MACROD2: variants seen among roughly 807,000 people sequenced by gnomAD.
MACROD2 encodes the protein ADP-ribose glycohydrolase MACROD2.
Under a neutral mutation model 70.4 loss-of-function variants are expected in MACROD2, and 36 were observed. That is an observed-to-expected ratio of 0.51 (90% CI 0.39 to 0.68). The LOEUF (loss-of-function observed/expected upper bound fraction) is 0.68, where lower values mean the gene tolerates loss of function less well. Among genes scored for constraint, MACROD2 ranks in the 30% least tolerant of loss-of-function variants. The pLI is 0.00. For synonymous variants in MACROD2, 172 were observed against 178.8 expected, an observed-to-expected ratio of 0.96 and a Z score of 0.30; for missense variants, 496 against 538.4, an observed-to-expected ratio of 0.92 and a Z score of 0.78.
intron 3 of MACROD2, among the ~76,000 whole-genome samples, chr20:14,263,972 AACACACACAC>A (rs71190124): frequency 0.059 from 7,480 of 127,032 alleles, 301 homozygotes; most frequent in African/African-American, 0.11. Context: ...ACCCTATCTA[AACACACACAC>A]ACACACACAC....
intron 8 of MACROD2, among the ~76,000 whole-genome samples, chr20:15,637,909 A>G (rs1036331185): frequency 3.9e-5 from 6 of 152,242 alleles, no homozygotes; most frequent in Non-Finnish European, 8.8e-5. Context: ...ACTAAAGTTT[A>G]CATAAAGACT....
At chr20:15,492,052 C>T (rs747422291) in intron 7 of MACROD2, among the ~76,000 whole-genome samples, 20 of 152,230 alleles carry the variant, frequency 1.3e-4, no homozygotes, top group African/African-American at 4.6e-4. Context: ...GCCAGTGACA[C>T]CTTTTTAGCA....
chr20:14,845,285 T>G (rs1218753769), intron 5 of MACROD2, among the ~76,000 whole-genome samples: 1 of 152,140 alleles, frequency 6.6e-6, no homozygotes, highest in East Asian at 1.9e-4. Context: ...ACAATGATAT[T>G]AATATATTGG....
chr20:15,105,915 G>A (rs915683490), intron 5 of MACROD2, among the ~76,000 whole-genome samples: 1 of 152,068 alleles, frequency 6.6e-6, no homozygotes, highest in African/African-American at 2.4e-5. Context: ...TAATAATGGG[G>A]TTCTGTACAT....
chr20:15,088,400 TATATATATATATATATATATA>T (rs2075765633), intron 5 of MACROD2, among the ~76,000 whole-genome samples: 11 of 7,416 alleles, frequency 1.5e-3, no homozygotes, highest in South Asian at 4.2e-3. Context: ...CTATATTTTA[TATATATATATATATATATATA>T]TATATATATA....
chr20:14,765,029 G>A (rs574586985), intron 5 of MACROD2, among the ~76,000 whole-genome samples: 1 of 152,160 alleles, frequency 6.6e-6, no homozygotes, highest in East Asian at 1.9e-4. Flanking sequence ...CAGCTGAACC[G>A]GTACCTAGTG....
intron 3 of MACROD2, among the ~76,000 whole-genome samples, chr20:14,397,369 A>G (rs2083592233): frequency 6.6e-6 from 1 of 152,206 alleles, no homozygotes; most frequent in Non-Finnish European, 1.5e-5. Flanking sequence ...TTGTTGGCTT[A>G]TTAATTATAA....
At chr20:16,014,198 C>G (rs965666100) in intron 15 of MACROD2, among the ~76,000 whole-genome samples, 1 of 152,168 alleles carries the variant, frequency 6.6e-6, no homozygotes, top group East Asian at 1.9e-4. Flanking sequence ...AGCAACATGC[C>G]TTGTCTTCAA....
intron 8 of MACROD2, among the ~76,000 whole-genome samples, chr20:15,748,007 A>G (rs906610050): frequency 2.0e-5 from 3 of 152,088 alleles, no homozygotes; most frequent in Admixed American, 2.0e-4. Context: ...TATTCTTATA[A>G]ACAGGGTAAG....
intron 13 of MACROD2, among the ~76,000 whole-genome samples, chr20:15,977,297 C>T (rs372032148): frequency 3.3e-5 from 5 of 152,168 alleles, no homozygotes; most frequent in Admixed American, 2.0e-4. Context: ...AATAAACAAA[C>T]GTCAATGTGA....
At chr20:15,839,841 T>C (rs2064152538) in intron 8 of MACROD2, among the ~76,000 whole-genome samples, 1 of 152,210 alleles carries the variant, frequency 6.6e-6, no homozygotes, top group South Asian at 2.1e-4. Context: ...TGATTATTTA[T>C]TATGTTGCAA....
chr20:14,698,700 A>G (rs1477728461), intron 5 of MACROD2, among the ~76,000 whole-genome samples: 1 of 151,656 alleles, frequency 6.6e-6, no homozygotes, highest in Non-Finnish European at 1.5e-5. Flanking sequence ...ACATATTCAA[A>G]ACCACCTGTG....
intron 9 of MACROD2, among the ~76,000 whole-genome samples, chr20:15,871,499 A>G (rs952762622): frequency 2.6e-5 from 4 of 152,212 alleles, no homozygotes; most frequent in Admixed American, 2.6e-4. Flanking sequence ...CTGTTCTTGT[A>G]ATAGTCCTGA....
chr20:15,330,960 G>T (rs2077985270), intron 6 of MACROD2, among the ~76,000 whole-genome samples: 1 of 151,594 alleles, frequency 6.6e-6, no homozygotes, highest in Admixed American at 6.6e-5. Context: ...GCCTCTACGT[G>T]CACTGCTGTC....
chr20:15,339,251 A>AT (rs1231513581), intron 6 of MACROD2, among the ~76,000 whole-genome samples: 2 of 151,848 alleles, frequency 1.3e-5, no homozygotes, highest in Non-Finnish European at 2.9e-5. Context: ...TGTTAATAGA[A>AT]TTTTATCTAT....
intron 3 of MACROD2, among the ~76,000 whole-genome samples, chr20:14,163,097 G>T (rs960081467): frequency 6.6e-6 from 1 of 152,006 alleles, no homozygotes; most frequent in Non-Finnish European, 1.5e-5. Flanking sequence ...TTTGCTTCTA[G>T]ATGTAGGACT....
At chr20:15,959,717 A>G (rs1177142313) in intron 12 of MACROD2, among the ~76,000 whole-genome samples, 1 of 152,180 alleles carries the variant, frequency 6.6e-6, no homozygotes, top group African/African-American at 2.4e-5. Context: ...TATTTTTAGT[A>G]GAAGCGGGGT....
chr20:14,675,593 CAA>C (rs2070850363), intron 4 of MACROD2, among the ~76,000 whole-genome samples: 1 of 152,058 alleles, frequency 6.6e-6, no homozygotes, highest in African/African-American at 2.4e-5. Context: ...CCAGCCACTG[CAA>C]AAACATACCA....
At position 15,947,030 on chromosome 20, in the gene MACROD2, T is replaced by C. The variant is rs118083836; in HGVS notation, c.907+9486T>C. Among the ~76,000 whole-genome samples the C allele has an allele frequency of 1.2e-3, 183 of 152,274 alleles. 1 individual carries two copies. The East Asian group carries it at 0.026, about 21-fold the overall frequency. ...GCTTTTCTCTACCCAAACATCTCAG[T>C]GGAGTAAAAAATAATAAAGCAGCAT... On this transcript the variant is annotated intron_variant, in intron 12 of 17. Transcript: ENST00000684519.
Sources: gnomAD v4.1 joint callset for allele counts (sites outside exome capture counted in the v4.1 genomes callset) on GRCh38, gnomAD v4.1.1 for gene constraint, MANE v1.5 for transcripts, NCBI Gene and HGNC (gene_info 2026-07-23, HGNC 2026-07-21) for gene names.